The following C1orf174 variants were observed in gnomAD, a reference collection of about 807,000 sequenced individuals.
The protein encoded by C1orf174 is UPF0688 protein C1orf174.
In C1orf174, 13 loss-of-function variants were observed where a neutral mutation model predicts 18.4. The observed-to-expected ratio is 0.71, with a 90% CI of 0.46 to 1.12. The LOEUF (loss-of-function observed/expected upper bound fraction) is 1.12. C1orf174 is among the 50% of genes most tolerant of loss of function. The probability of loss-of-function intolerance (pLI) is 0.00; values close to 1 mark genes in which losing one functional copy is unlikely to be tolerated. For missense variants in C1orf174, 309 were observed against 308.0 expected (o/e 1.00, Z -0.02); for synonymous variants, 100 against 118.3 (o/e 0.85, Z 1.01).
Position 3,890,087 on chromosome 1 carries a change from A to G in C1orf174, c.619-14T>C. ...AGGTGGGAGGTCCTTAGTGGAGAAG[A>G]AAACATGACTTCAGTCATGAGCAAT... is the stretch of plus-strand genomic sequence containing the variant. On this transcript the variant is annotated splice_polypyrimidine_tract_variant and intron_variant, in intron 3 of 3. Coordinates refer to ENST00000361605, the MANE Select transcript of C1orf174 (RefSeq NM_207356.3). 7 of 1,602,262 alleles carry G rather than the reference A, an allele frequency of 4.4e-6. No individual in the cohort carries two copies. The highest frequency in any genetic ancestry group is 3.3e-5 in the South Asian group (3 of 90,874).
At chr1:3,893,030 T>G (rs765247879) in intron 1 of C1orf174, 34 bp from the exon 2 acceptor site, 1 of 1,603,340 alleles carries the variant, frequency 6.2e-7, no homozygotes, top group Non-Finnish European at 8.5e-7. Flanking sequence ...GAGAGTGCTC[T>G]CAGGAAGGCA....
At chr1:3,900,115 G>C in intron 1 of C1orf174, 57 bp downstream of exon 1, 1 of 1,556,304 alleles carries the variant, frequency 6.4e-7, no homozygotes, top group South Asian at 1.2e-5. Context: ...CCAGACAGCA[G>C]GTGACCCAGA....
chr1:3,894,865 C>T (rs1484980988), intron 1 of C1orf174, among the ~76,000 whole-genome samples: 1 of 152,204 alleles, frequency 6.6e-6, no homozygotes, highest in Admixed American at 6.5e-5. Flanking sequence ...GCTGCGCCTC[C>T]GTCCTCTCAC....
rs927935139 is a variant in C1orf174, at chr1:3,900,207, A to G, written c.-21T>C. On this transcript the variant is annotated 5_prime_UTR_variant, in exon 1 of 4. Transcript: ENST00000361605. ...CTCATGAGTGTGAGCACCGCAGCCA[A>G]GCACCGCGCGCCCCGGCCAACGCGT... is the stretch of plus-strand genomic sequence containing the variant. 1.3e-6 allele frequency: 2 copies of G among 1,571,012 alleles called. No individual in the cohort carries two copies. Among genetic ancestry groups the G allele is most frequent in the East Asian group, 2.4e-5 (1 of 41,508 alleles).
chr1:3,890,012 T>C lies in C1orf174; in HGVS notation c.680A>G (p.His227Arg). 1 of 1,614,252 alleles carries C rather than the reference T, an allele frequency of 6.2e-7. No individual in the cohort carries two copies. The highest frequency in any genetic ancestry group is 8.5e-7 in the Non-Finnish European group (1 of 1,180,052). ...SMSRREFRKM[H>R]FRAKDDDDDD... Reference sequence around the variant, plus strand: ...ATCATCATCATCTTTGGCTCTGAAATGCATTTTTCTGAACTCTCGTCTGCT... The same window carrying C: ...ATCATCATCATCTTTGGCTCTGAAACGCATTTTTCTGAACTCTCGTCTGCT... The change falls in exon 4 of 4, where the codon CAT becomes CGT. Residue 227 changes from histidine (H) to arginine (R), a missense_variant. Transcript: ENST00000361605.
At chr1:3,898,486 C>G (rs1229666386) in intron 1 of C1orf174, among the ~76,000 whole-genome samples, 1 of 151,866 alleles carries the variant, frequency 6.6e-6, no homozygotes, top group South Asian at 2.1e-4. Context: ...CCAGCCTGGG[C>G]AACAGAGTGA....
chr1:3,897,822 C>T (rs1033388908), intron 1 of C1orf174, among the ~76,000 whole-genome samples: 1 of 152,126 alleles, frequency 6.6e-6, no homozygotes, highest in African/African-American at 2.4e-5. Flanking sequence ...CGCCACCACG[C>T]CCCGCTAATT....
At chr1:3,890,221 C>G in intron 3 of C1orf174, 148 bp from the exon 4 acceptor site, 1 of 668,296 alleles carries the variant, frequency 1.5e-6, no homozygotes, top group Middle Eastern at 3.4e-4. Context: ...GCACTCGCCT[C>G]TAGATGAGAA....
In C1orf174 at chr1:3,889,762, A is replaced by C; in HGVS notation, c.*198T>G. On this transcript the variant is annotated 3_prime_UTR_variant, in exon 4 of 4. Transcript: ENST00000361605. ...CAGTACAGCAGCTTTGCAACCTCAA[A>C]GATGGTTTGAGTTTTAGTTCCCATG... 3.3e-6 allele frequency: 2 copies of C among 609,712 alleles called. No homozygotes were observed. Among genetic ancestry groups the C allele is most frequent in the Non-Finnish European group, 3.0e-6 (1 of 338,946 alleles). 37.8% of individuals were successfully genotyped at this position (609,712 alleles called of 1,614,324 possible).
chr1:3,897,389 A>G (rs1000329359), intron 1 of C1orf174, among the ~76,000 whole-genome samples: 2 of 152,262 alleles, frequency 1.3e-5, no homozygotes, highest in African/African-American at 4.8e-5. Context: ...CTGAAATAAC[A>G]AAATTCACTA....
chr1:3,890,090 A>G lies in C1orf174; in HGVS notation c.619-17T>C. 6.3e-7 allele frequency: 1 copy of G among 1,599,924 alleles called. No homozygotes were observed. The highest frequency in any genetic ancestry group is 2.2e-5 in the East Asian group (1 of 44,824). Reference sequence around the variant, plus strand: ...TGGGAGGTCCTTAGTGGAGAAGAAAACATGACTTCAGTCATGAGCAATACA... The same window carrying G: ...TGGGAGGTCCTTAGTGGAGAAGAAAGCATGACTTCAGTCATGAGCAATACA... On this transcript the variant is annotated splice_polypyrimidine_tract_variant and intron_variant, in intron 3 of 3. Coordinates refer to ENST00000361605, the MANE Select transcript of C1orf174 (RefSeq NM_207356.3).
Position 3,890,800 on chromosome 1 carries a change from G to C in C1orf174, c.387C>G (p.Asp129Glu). The change falls in exon 3 of 4, where the codon GAC becomes GAG. Residue 129 changes from aspartate to glutamate, a missense_variant. By Grantham distance (45) the Asp-to-Glu change is conservative (BLOSUM62 2). Coordinates refer to ENST00000361605, the MANE Select transcript of C1orf174 (RefSeq NM_207356.3). ...CATCTCTAGTCTTTGCTAAGCGAGAGTCACTCACAACTCTGCAGCCACCGA... is the reference window on the plus strand; with the variant it reads ...CATCTCTAGTCTTTGCTAAGCGAGACTCACTCACAACTCTGCAGCCACCGA... ...LPLGGCRVVS[D>E]SRLAKTRDGL... is the part of the protein sequence containing the mutation. The C allele has an allele frequency of 6.2e-7, 1 of 1,613,038 alleles. No individual in the cohort carries two copies. The highest frequency in any genetic ancestry group is 8.5e-7 in the Non-Finnish European group (1 of 1,179,832).
In C1orf174 at chr1:3,890,744, G is replaced by T; in HGVS notation, c.443C>A (p.Ser148Tyr). 6.2e-7 allele frequency: 1 copy of T among 1,614,014 alleles called. No individual in the cohort carries two copies. Residue 148 changes from serine to tyrosine, a missense_variant, in exon 3 of 4, where the codon TCC becomes TAC. Physicochemically the swap from Ser to Tyr is moderately radical, Grantham distance 144. Transcript: ENST00000361605. ...GLSVPKHSAGSGAEESNSSST... is the reference protein window; with the variant it reads ...GLSVPKHSAGYGAEESNSSST... Reference sequence around the variant, plus strand: ...GCTGCTGTTGGATTCTTCTGCTCCGGACCCGGCACTGTGTTTTGGCACGGA... The same window carrying T: ...GCTGCTGTTGGATTCTTCTGCTCCGTACCCGGCACTGTGTTTTGGCACGGA...
intron 2 of C1orf174, 141 bp from the exon 3 acceptor site, chr1:3,891,198 T>G (rs1638504519): frequency 8.9e-7 from 1 of 1,121,040 alleles, no homozygotes; most frequent in Non-Finnish European, 1.3e-6. Context: ...CATTTCACTG[T>G]TTTGCCACCA....
intron 1 of C1orf174, chr1:3,896,045 GGA>G (rs1491184666): frequency 1.3e-5 from 2 of 152,654 alleles, no homozygotes; most frequent in Non-Finnish European, 1.5e-5. Context: ...GTAAGGACAC[GGA>G]GAGTCTGTGG....
At chr1:3,898,033 T>C (rs1446518524) in intron 1 of C1orf174, among the ~76,000 whole-genome samples, 2 of 152,108 alleles carry the variant, frequency 1.3e-5, no homozygotes, top group East Asian at 3.9e-4. Context: ...GACACATCAC[T>C]GTAAAAATAC....
chr1:3,899,286 T>C (rs10909824), intron 1 of C1orf174, among the ~76,000 whole-genome samples: 36,551 of 152,174 alleles, frequency 0.24, 5,405 homozygotes, highest in African/African-American at 0.41. Flanking sequence ...CAAGTATATG[T>C]GCCTACAGGA....
chr1:3,890,529 T>G (rs377698348), intron 3 of C1orf174, 40 bp downstream of exon 3: 1 of 1,605,620 alleles, frequency 6.2e-7, no homozygotes, highest in Non-Finnish European at 8.5e-7. Flanking sequence ...GTGCAGCTGC[T>G]GCCTGAGTAC....
intron 1 of C1orf174, among the ~76,000 whole-genome samples, chr1:3,894,943 A>T (rs1345294250): frequency 1.3e-5 from 2 of 152,254 alleles, no homozygotes; most frequent in Non-Finnish European, 2.9e-5. Context: ...GGACTGAGGC[A>T]ACAGAGGTTA....
Sources: allele counts gnomAD v4.1 joint callset (sites outside exome capture counted in the v4.1 genomes callset), GRCh38; gene constraint gnomAD v4.1.1; transcripts MANE v1.5; gene names NCBI Gene and HGNC (gene_info 2026-07-23, HGNC 2026-07-21).